Variants in ZFP64 observed in about 807,000 individuals in gnomAD.
The protein encoded by ZFP64 is ZFP64 zinc finger protein.
ZFP64 carries 14 observed loss-of-function variants against 51.6 expected under a neutral mutation model. The observed-to-expected ratio is 0.27, with a 90% CI of 0.18 to 0.42. ZFP64 has a LOEUF of 0.42. ZFP64 is among the 10% of genes least tolerant of loss of function. The pLI is 1.00. For missense variants in ZFP64, 754 were observed against 906.8 expected, an observed-to-expected ratio of 0.83 and a Z score of 2.16; for synonymous variants, 375 against 361.4, an observed-to-expected ratio of 1.04 and a Z score of -0.43.
Position 52,152,664 on chromosome 20 carries a change from T to A in ZFP64, c.1528A>T (p.Thr510Ser). The stretch of plus-strand genomic sequence containing the variant: ...GCAGCGGCGGCAGCCTGGACGATGG[T>A]GTTCGCCTGGGGCACCTGATGCCCA... ...IVGHQVPQAN[T>S]IVQAAAAAVN... is the part of the protein sequence containing the mutation. Residue 510 changes from threonine to serine, a missense_variant, in exon 6 of 6, where the codon ACC becomes TCC. By Grantham distance (58) the Thr-to-Ser change is moderately conservative. Transcript: ENST00000216923. The A allele has an allele frequency of 6.5e-7, 1 of 1,539,170 alleles. No homozygotes were observed. The highest frequency in any genetic ancestry group is 1.4e-5 in the African/African-American group (1 of 73,196).
At chr20:52,124,225 C>G (rs1406546477) in intron 5 of ZFP64, among the ~76,000 whole-genome samples, 5 of 147,082 alleles carry the variant, frequency 3.4e-5, no homozygotes, top group African/African-American at 1.2e-4. Context: ...GACTATTGGC[C>G]ACTAGAGTAA....
chr20:52,188,900 C>T (rs1984169030), intron 1 of ZFP64, among the ~76,000 whole-genome samples: 3 of 151,558 alleles, frequency 2.0e-5, no homozygotes, highest in African/African-American at 7.2e-5. Context: ...TGCTTGAACC[C>T]GGAAGGCGCA....
Position 52,143,829 on chromosome 20 carries a change from C to T in ZFP64, c.763+16294G>A, listed in dbSNP as rs1312845549. On this transcript the variant is annotated intron_variant, in intron 5 of 8. Coordinates refer to the ZFP64 transcript ENST00000361387. ...CCTCCCAAAGTGCTGAGATTATAGG[C>T]GTGAACCACCATGCCTGGCCATTTT... Among the ~76,000 whole-genome samples, 3 of 142,810 alleles carry T rather than the reference C, an allele frequency of 2.1e-5. 1 individual carries two copies. Among genetic ancestry groups the T allele is most frequent in the Non-Finnish European group, 3.1e-5 (2 of 64,284 alleles). 93.7% of individuals were successfully genotyped at this position (142,810 alleles called of 152,430 possible). A position where few individuals can be genotyped will look rare whatever the true frequency, so the allele number is the denominator to read the frequency against.
At chr20:52,104,700 C>G in intron 5 of ZFP64, 1 of 476,712 alleles carries the variant, frequency 2.1e-6, no homozygotes, top group Non-Finnish European at 4.3e-6. Context: ...CTCGAACGTC[C>G]GCTCCTCGGT....
intron 2 of ZFP64, among the ~76,000 whole-genome samples, chr20:52,182,660 A>C (rs1028818216): frequency 3.3e-5 from 5 of 152,336 alleles, no homozygotes; most frequent in African/African-American, 1.2e-4. Context: ...TCAAGGCTGC[A>C]GTGAGCCATG....
At position 52,084,969 on chromosome 20, in the gene ZFP64, G is replaced by A; in HGVS notation, c.1526C>T (p.Ala509Val). The change falls in exon 9 of 9, where the codon GCC becomes GTC. Residue 509 changes from alanine to valine, a missense_variant. Physicochemically the swap from Ala to Val is moderately conservative, Grantham distance 64. Coordinates refer to the ZFP64 transcript ENST00000361387. ...GTGGACTCTGCTGTGCACGCGCAGG[G>A]CGGCCGCGCTGGAGCAGGAGTAGCT... 6.2e-7 allele frequency: 1 copy of A among 1,613,944 alleles called. No homozygotes were observed. Among genetic ancestry groups the A allele is most frequent in the South Asian group, 1.1e-5 (1 of 91,082 alleles).
At chr20:52,099,837 A>G (rs958314759) in intron 5 of ZFP64, among the ~76,000 whole-genome samples, 3 of 152,204 alleles carry the variant, frequency 2.0e-5, no homozygotes, top group African/African-American at 7.2e-5. Flanking sequence ...ACTAGGTGAA[A>G]TCGCTATTTT....
downstream of ZFP64, among the ~76,000 whole-genome samples, chr20:52,146,449 AATC>A (rs1600751132): frequency 3.3e-5 from 5 of 151,748 alleles, no homozygotes; most frequent in Admixed American, 1.3e-4. Context: ...TGAAATTGGA[AATC>A]ATCATTCTCA....
At chr20:52,100,107 C>T (rs2079034789) in intron 5 of ZFP64, among the ~76,000 whole-genome samples, 1 of 152,220 alleles carries the variant, frequency 6.6e-6, no homozygotes, top group Non-Finnish European at 1.5e-5. Context: ...CATTCTCCTG[C>T]TTCAGTCTCC....
chr20:52,136,900 G>A (rs1391778277), intron 5 of ZFP64, among the ~76,000 whole-genome samples: 1 of 152,062 alleles, frequency 6.6e-6, no homozygotes, highest in Non-Finnish European at 1.5e-5. Flanking sequence ...GAATAGCCGG[G>A]ACTACAGGCA....
intron 6 of ZFP64, among the ~76,000 whole-genome samples, chr20:52,097,771 A>G (rs1038987761): frequency 6.6e-6 from 1 of 152,224 alleles, no homozygotes; most frequent in African/African-American, 2.4e-5. Context: ...GAAGAATACA[A>G]TTCTTAGAAG....
At chr20:52,109,799 A>AAAG (rs1555880829) in intron 5 of ZFP64, among the ~76,000 whole-genome samples, 16 of 151,028 alleles carry the variant, frequency 1.1e-4, no homozygotes, top group African/African-American at 3.7e-4. Context: ...AAAAAAAAAA[A>AAAG]AAAGAAAAAA....
intron 1 of ZFP64, among the ~76,000 whole-genome samples, chr20:52,187,300 T>C (rs1292738376): frequency 6.6e-5 from 10 of 152,076 alleles, no homozygotes; most frequent in Non-Finnish European, 1.0e-4. Context: ...TTGGGGAAAA[T>C]TGGACATAAT....
intron 5 of ZFP64, among the ~76,000 whole-genome samples, chr20:52,154,086 C>T (rs758739047): frequency 1.2e-4 from 18 of 152,088 alleles, no homozygotes; most frequent in Non-Finnish European, 1.9e-4. Context: ...AGTGAAATTG[C>T]AAACATCTGA....
intron 2 of ZFP64, among the ~76,000 whole-genome samples, chr20:52,169,277 A>C (rs1329803237): frequency 6.6e-6 from 1 of 152,182 alleles, no homozygotes; most frequent in East Asian, 1.9e-4. Context: ...TCAAACTCTC[A>C]ACTGAAATGC....
At chr20:52,150,588 T>C (rs536771142), downstream of ZFP64, among the ~76,000 whole-genome samples, 17 of 152,324 alleles carry the variant, frequency 1.1e-4, no homozygotes, top group African/African-American at 3.8e-4. Context: ...TCATTGATGA[T>C]AGGAAAATAA....
At chr20:52,098,055 G>A (rs1006001311) in intron 6 of ZFP64, among the ~76,000 whole-genome samples, 2 of 151,456 alleles carry the variant, frequency 1.3e-5, no homozygotes, top group African/African-American at 4.9e-5. Context: ...AACAGAGCAA[G>A]ACCTTGTCTT....
chr20:52,164,584 A>G (rs557358860), intron 4 of ZFP64, 111 bp downstream of exon 4: 5 of 928,914 alleles, frequency 5.4e-6, no homozygotes, highest in Non-Finnish European at 8.6e-6. Flanking sequence ...TTGTATTCCC[A>G]TAACAGCCAG....
chr20:52,169,997 G>A (rs892509736), intron 2 of ZFP64, among the ~76,000 whole-genome samples: 1 of 151,870 alleles, frequency 6.6e-6, no homozygotes. Flanking sequence ...AGGTTACGGT[G>A]AGTCCAGATC....
Sources: allele counts gnomAD v4.1 joint callset (sites outside exome capture counted in the v4.1 genomes callset), GRCh38; gene constraint gnomAD v4.1.1; transcripts MANE v1.5; gene names NCBI Gene and HGNC (gene_info 2026-07-23, HGNC 2026-07-21).